The following PITPNM1 variants were observed in gnomAD, a reference collection of about 807,000 sequenced individuals.
The protein encoded by PITPNM1 is membrane-associated phosphatidylinositol transfer protein 1.
Under a neutral mutation model 133.3 loss-of-function variants are expected in PITPNM1, and 74 were observed. The observed-to-expected ratio is 0.56, with a 90% CI of 0.46 to 0.67. The LOEUF (loss-of-function observed/expected upper bound fraction) is 0.67. PITPNM1 is among the 30% of genes least tolerant of loss of function. PITPNM1 has a pLI of 0.00. For missense variants in PITPNM1, 1,398 were observed against 1,739.5 expected (o/e 0.80, Z 3.49); for synonymous variants, 738 against 741.4 (o/e 1.00, Z 0.08).
intron 2 of PITPNM1, among the ~76,000 whole-genome samples, chr11:67,503,394 G>A (rs749212183): frequency 2.6e-5 from 4 of 152,186 alleles, no homozygotes; most frequent in Admixed American, 6.5e-5. Context: ...CAGAGGCCCT[G>A]ACCCTGGCCC....
Position 67,497,339 on chromosome 11 carries a change from G to A in PITPNM1, c.2038C>T (p.Pro680Ser), listed in dbSNP as rs1194089729. 1 of 1,610,042 alleles carries A rather than the reference G, an allele frequency of 6.2e-7. No homozygotes were observed. Among genetic ancestry groups the A allele is most frequent in the East Asian group, 2.2e-5 (1 of 44,800 alleles). Residue 680 changes from proline to serine, a missense_variant, in exon 14 of 24, where the codon CCC becomes TCC. Pro to Ser is a moderately conservative substitution (Grantham distance 74, BLOSUM62 -1). Transcript: ENST00000356404. ...PAASSEAPDGPSSTARLDFKV... is the reference protein window; with the variant it reads ...PAASSEAPDGSSSTARLDFKV... ...AAGTCAAGGCGGGCAGTGCTGCTGG[G>A]GCCGTCAGGTGCCTCGGAACTGGCA...
At position 67,502,628 on chromosome 11, in the gene PITPNM1, G is replaced by A; in HGVS notation, c.169C>T (p.Gln57Ter). The A allele has an allele frequency of 1.2e-6, 2 of 1,613,534 alleles. No individual in the cohort carries two copies. The highest frequency in any genetic ancestry group is 1.7e-6 in the Non-Finnish European group (2 of 1,180,024). The change falls in exon 3 of 24, where the codon CAA (glutamine) becomes TAA (stop). Residue 57 changes from glutamine (Q) to a stop codon, truncating the protein, a stop_gained. Coordinates refer to ENST00000356404, the MANE Select transcript of PITPNM1 (RefSeq NM_004910.3). LOFTEE classifies it high-confidence loss of function. The surrounding 1 kb of genome is among the most constrained non-coding windows in gnomAD (Gnocchi z 5.9). The stretch of plus-strand genomic sequence containing the variant: ...ACGTGGTACACCTTGTGTGTGTATT[G>A]CCCGCTGCCCCCGGGCCCATCCGTG... ...PYTDGPGGSGQYTHKVYHVGS... is the reference protein window; with the variant it reads ...PYTDGPGGSG
At position 67,498,341 on chromosome 11, in the gene PITPNM1, T is replaced by G; in HGVS notation, c.1485-19A>C. 6.5e-7 allele frequency: 1 copy of G among 1,537,142 alleles called. No individual in the cohort carries two copies. The highest frequency in any genetic ancestry group is 8.8e-7 in the Non-Finnish European group (1 of 1,142,034). Reference sequence around the variant, plus strand: ...GCTCAGGCTGTAGGAGGGGGAAATGTGCGTGGGTGAGGGGCTTCCAGACCC... The same window carrying G: ...GCTCAGGCTGTAGGAGGGGGAAATGGGCGTGGGTGAGGGGCTTCCAGACCC... On this transcript the variant is annotated intron_variant, in intron 10 of 23. Coordinates refer to ENST00000356404, the MANE Select transcript of PITPNM1 (RefSeq NM_004910.3). The surrounding 1 kb of genome is among the most constrained non-coding windows in gnomAD (Gnocchi z 5.7).
At chr11:67,496,856 T>C (rs1866136307) in intron 14 of PITPNM1, 1 of 193,944 alleles carries the variant, frequency 5.2e-6, no homozygotes, top group Non-Finnish European at 1.0e-5. Context: ...GAGAATCACT[T>C]GAACCCAGGA....
In PITPNM1 at chr11:67,494,951, G is replaced by A. The variant is rs777856464; in HGVS notation, c.2637C>T (p.Ile879=). ...DVVAFILRQV[I]EKERPQLAEC... The stretch of plus-strand genomic sequence containing the variant: ...CCGCCAGCTGTGGCCGCTCCTTCTC[G>A]ATCACCTGCACGGGACAGGGGGCGA... Residue 879 remains isoleucine (I), a synonymous_variant, in exon 18 of 24, where the codon ATC becomes ATT. Transcript: ENST00000356404. The A allele has an allele frequency of 1.9e-6, 3 of 1,612,386 alleles. No individual in the cohort carries two copies. The highest frequency in any genetic ancestry group is 1.3e-5 in the African/African-American group (1 of 74,856).
At position 67,491,792 on chromosome 11, in the gene PITPNM1, C is replaced by A. The variant is rs1865931645; in HGVS notation, c.*241G>T. The A allele has an allele frequency of 1.8e-5, 9 of 513,982 alleles. No individual in the cohort carries two copies. The South Asian group carries it at 2.5e-4, about 14-fold the overall frequency. The allele number at this position is 513,982 out of a possible 1,614,324, so 31.8% of individuals were successfully genotyped here. On this transcript the variant is annotated 3_prime_UTR_variant, in exon 24 of 24. Transcript: ENST00000356404. ...GTGGGGTGCAGGTGGCGTTTATTTT[C>A]ATGGATTTATACACACTGGAAAAGC...
intron 8 of PITPNM1, among the ~76,000 whole-genome samples, chr11:67,499,433 G>A (rs1240779164): frequency 5.9e-5 from 9 of 151,274 alleles, no homozygotes; most frequent in Admixed American, 5.3e-4. Flanking sequence ...GACAGTGCTG[G>A]CCCAAGTCCT....
At position 67,500,401 on chromosome 11, in the gene PITPNM1, G is replaced by A. The variant is rs1331904147; in HGVS notation, c.661C>T (p.Arg221Trp). The A allele has an allele frequency of 3.1e-6, 5 of 1,610,404 alleles. No individual in the cohort carries two copies. Among genetic ancestry groups the A allele is most frequent in the Non-Finnish European group, 4.2e-6 (5 of 1,179,678 alleles). The change falls in exon 6 of 24, where the codon CGG becomes TGG. Residue 221 changes from arginine to tryptophan, a missense_variant. Physicochemically the swap from Arg to Trp is moderately radical, Grantham distance 101 (BLOSUM62 -3). Transcript: ENST00000356404. ...CAGCACCAGGCCTGGCGGTGGGCCC[G>A]CAGCATCACCCGACGCAGACCTGCA... The part of the protein sequence containing the change: ...HDVGLRRVML[R>W]AHRQAWCWQD...
chr11:67,498,705 C>A lies in PITPNM1; in HGVS notation c.1375G>T (p.Ala459Ser). 6.2e-7 allele frequency: 1 copy of A among 1,607,048 alleles called. No individual in the cohort carries two copies. The change falls in exon 10 of 24, where the codon GCC becomes TCC. Residue 459 changes from alanine (A) to serine (S), a missense_variant. Coordinates refer to ENST00000356404, the MANE Select transcript of PITPNM1 (RefSeq NM_004910.3). This position sits in a 1 kb window ranked among gnomAD's most constrained non-coding sequence, Gnocchi z 5.7. Reference protein sequence around the residue: ...KQADVQTLSSAFEAVTRIHFP... With the variant: ...KQADVQTLSSSFEAVTRIHFP... ...TGGATGCGGGTGACGGCCTCGAAGG[C>A]GGAGCTCAGCGTCTGCACATCCGCC...
rs1866165468 is a variant in PITPNM1, at chr11:67,497,513, G to C, written c.1940+9C>G. On this transcript the variant is annotated intron_variant, in intron 13 of 23. Transcript: ENST00000356404. Reference sequence around the variant, plus strand: ...GCCCAGGGTAGGGGTGATGGGGCAGGGACGTCACCTGTTCTGAGAGCCCTC... The same window carrying C: ...GCCCAGGGTAGGGGTGATGGGGCAGCGACGTCACCTGTTCTGAGAGCCCTC... 1.6e-5 allele frequency: 25 copies of C among 1,605,074 alleles called. No individual in the cohort carries two copies. The highest frequency in any genetic ancestry group is 2.0e-5 in the Non-Finnish European group (24 of 1,176,672).
chr11:67,498,216 C>A lies in PITPNM1; in HGVS notation c.1591G>T (p.Ala531Ser). Residue 531 changes from alanine (A) to serine (S), a missense_variant, in exon 11 of 24, where the codon GCC becomes TCC. By Grantham distance (99) the Ala-to-Ser change is moderately conservative. This residue lies in a region of PITPNM1 where 574 missense variants were observed against 698.7 expected (regional missense o/e 0.82). Transcript: ENST00000356404. The surrounding 1 kb of genome is among the most constrained non-coding windows in gnomAD (Gnocchi z 5.7). ...LATSSSRYQG[A>S]VATVIARTNQ... ...GTGCGGGCAATGACGGTGGCCACGG[C>A]GCCCTGGTAGCGGGAGGATGAGGTG... 6.2e-7 allele frequency: 1 copy of A among 1,612,838 alleles called. No individual in the cohort carries two copies. Among genetic ancestry groups the A allele is most frequent in the Non-Finnish European group, 8.5e-7 (1 of 1,179,786 alleles).
rs1866176849 is a variant in PITPNM1, at chr11:67,497,766, G to A, written c.1783-87C>T. ...TAGAAGTGAGGAGCGAGGCTTGGGGGTTGGGCAGAGCAGAATTCCAGAGAA... is the reference window on the plus strand; with the variant it reads ...TAGAAGTGAGGAGCGAGGCTTGGGGATTGGGCAGAGCAGAATTCCAGAGAA... On this transcript the variant is annotated intron_variant, in intron 12 of 23. Transcript: ENST00000356404. The A allele has an allele frequency of 5.8e-6, 9 of 1,555,682 alleles. No individual in the cohort carries two copies. In the Middle Eastern group the frequency reaches 1.2e-3, roughly 208 times the overall value.
Position 67,492,971 on chromosome 11 carries a change from A to G in PITPNM1, c.3434T>C (p.Val1145Ala). 1 of 1,612,990 alleles carries G rather than the reference A, an allele frequency of 6.2e-7. No homozygotes were observed. The highest frequency in any genetic ancestry group is 8.5e-7 in the Non-Finnish European group (1 of 1,179,924). The stretch of plus-strand genomic sequence containing the variant: ...CTGTAGCTTCCGCACGGCACGGCCC[A>G]CGATGTAGGTCTGGCTCGGGGACAG... ...LGLSPSQTYI[V>A]GRAVRKLQAQ... is the part of the protein sequence containing the mutation. Residue 1145 changes from valine (V) to alanine (A), a missense_variant, in exon 23 of 24, where the codon GTG becomes GCG. Val to Ala is a moderately conservative substitution (Grantham distance 64). Transcript: ENST00000356404.
intron 5 of PITPNM1, among the ~76,000 whole-genome samples, 194 bp from the exon 6 acceptor site, chr11:67,500,615 C>T (rs140322170): frequency 1.1e-4 from 17 of 152,376 alleles, no homozygotes; most frequent in African/African-American, 3.8e-4. Context: ...CTGACTCCCC[C>T]CCGCCCACTG....
intron 14 of PITPNM1, chr11:67,496,823 A>G (rs1866135435): frequency 1.1e-5 from 2 of 186,134 alleles, no homozygotes; most frequent in Non-Finnish European, 2.2e-5. Context: ...CTGTAATCCC[A>G]GTTACTTGGG....
At chr11:67,499,052 CCT>C in intron 8 of PITPNM1, 51 bp from the exon 9 acceptor site, 3 of 1,543,244 alleles carry the variant, frequency 1.9e-6, no homozygotes, top group Non-Finnish European at 2.6e-6. Flanking sequence ...ACTGGGATCC[CCT>C]CATCTGGCAC....
In PITPNM1 at chr11:67,502,550, G is replaced by C; in HGVS notation, c.247C>G (p.Gln83Glu). ...GCATTCCAGGATTCCTCTTCTACCT[G>C]CAGGGCAGCCTTGGGCAGCAGTGCC... ...FRALLPKAAL[Q>E]VEEESWNAYP... is the part of the protein sequence containing the mutation. Residue 83 changes from glutamine (Q) to glutamate (E), a missense_variant, in exon 3 of 24, where the codon CAG (glutamine) becomes GAG (glutamate). Transcript: ENST00000356404. This position sits in a 1 kb window ranked among gnomAD's most constrained non-coding sequence, Gnocchi z 5.9. The C allele has an allele frequency of 6.2e-7, 1 of 1,613,730 alleles. No individual in the cohort carries two copies. The highest frequency in any genetic ancestry group is 8.5e-7 in the Non-Finnish European group (1 of 1,180,004).
chr11:67,493,584 C>T lies in PITPNM1; in HGVS notation c.3168G>A (p.Gln1056=), dbSNP rs1313767581. 1 of 1,549,076 alleles carries T rather than the reference C, an allele frequency of 6.5e-7. No individual in the cohort carries two copies. Among genetic ancestry groups the T allele is most frequent in the Non-Finnish European group, 8.7e-7 (1 of 1,145,242 alleles). Reference sequence around the variant, plus strand: ...CATACACGATCAGGTAGCCGGAGTCCTGCCAGTGCCTGTGGGGCGGGGGCA... The same window carrying T: ...CATACACGATCAGGTAGCCGGAGTCTTGCCAGTGCCTGTGGGGCGGGGGCA... ...AGAVDVVRHW[Q]DSGYLIVYVT... Residue 1056 remains glutamine, a synonymous_variant, in exon 22 of 24, where the codon CAG becomes CAA. Transcript: ENST00000356404.
Position 67,492,920 on chromosome 11 carries a change from C to T in PITPNM1, c.3471+14G>A, listed in dbSNP as rs1221670795. 1.2e-6 allele frequency: 2 copies of T among 1,609,964 alleles called. No individual in the cohort carries two copies. The highest frequency in any genetic ancestry group is 3.3e-5 in the Admixed American group (2 of 59,832). On this transcript the variant is annotated intron_variant, in intron 23 of 23. Transcript: ENST00000356404. ...CTGGTGGGGTCCTGTTCCTGGCCTT[C>T]ACTTGGGCCTCACCTGGCACTGCGC...
Sources: gnomAD v4.1 joint callset for allele counts (sites outside exome capture counted in the v4.1 genomes callset) on GRCh38, gnomAD v4.1.1 for gene constraint, gnomAD v4.1.1 regional missense constraint, Gnocchi (gnomAD v3.1) non-coding constraint, MANE v1.5 for transcripts, NCBI Gene and HGNC (gene_info 2026-07-23, HGNC 2026-07-21) for gene names.